MTCL2: variants seen among roughly 807,000 people sequenced by gnomAD.
MTCL2 encodes the protein microtubule cross-linking factor 2.
At chr20:36,815,831 G>A in the MTCL2 span, 1 of 1,597,962 alleles carries the variant, frequency 6.3e-7, no homozygotes, top group Non-Finnish European at 8.5e-7. This position sits in a 1 kb window ranked among gnomAD's most constrained non-coding sequence, Gnocchi z 5.3. Context: ...GCAGCAGCTT[G>A]TTCTGGTCCT....
At chr20:36,818,085 A>G in the MTCL2 span, among the ~76,000 whole-genome samples, 1 of 152,244 alleles carries the variant, frequency 6.6e-6, no homozygotes, top group Non-Finnish European at 1.5e-5. Flanking sequence ...TCCTAGCTCC[A>G]GAGCTCCCCA....
At chr20:36,816,428 C>A in the MTCL2 span, 8 of 847,436 alleles carry the variant, frequency 9.4e-6, no homozygotes, top group Non-Finnish European at 1.1e-5. Flanking sequence ...CACAGCCAGA[C>A]CCTCAAGGAG....
chr20:36,856,863 C>T, the MTCL2 span, among the ~76,000 whole-genome samples: 36 of 152,016 alleles, frequency 2.4e-4, no homozygotes, highest in African/African-American at 6.3e-4. Flanking sequence ...TGTGTGCGTG[C>T]GCGCACGTGT....
chr20:36,853,099 C>T, the MTCL2 span, among the ~76,000 whole-genome samples: 63 of 151,604 alleles, frequency 4.2e-4, 1 homozygote, highest in African/African-American at 1.4e-3. Flanking sequence ...AAGGCCAGGA[C>T]ACGCAGCCTG....
the MTCL2 span, among the ~76,000 whole-genome samples, chr20:36,813,813 T>C: frequency 6.6e-6 from 1 of 151,724 alleles, no homozygotes; most frequent in Non-Finnish European, 1.5e-5. Flanking sequence ...ATCGCTCTCT[T>C]TCCCTGGAAA....
chr20:36,860,236 C>T, the MTCL2 span, among the ~76,000 whole-genome samples: 1 of 152,176 alleles, frequency 6.6e-6, no homozygotes, highest in African/African-American at 2.4e-5. Flanking sequence ...TTACTCCAGA[C>T]CCTCACTCAG....
At chr20:36,777,813 G>A in the MTCL2 span, 32 of 619,230 alleles carry the variant, frequency 5.2e-5, no homozygotes, top group Admixed American at 8.6e-4. Flanking sequence ...CCAGGATGAG[G>A]AGGAAGGGCA....
chr20:36,835,368 C>A, the MTCL2 span, among the ~76,000 whole-genome samples: 1 of 151,764 alleles, frequency 6.6e-6, no homozygotes, highest in Non-Finnish European at 1.5e-5. Context: ...CCCACCAATA[C>A]CCCTCTGCTC....
At chr20:36,860,158 C>T in the MTCL2 span, among the ~76,000 whole-genome samples, 1 of 152,062 alleles carries the variant, frequency 6.6e-6, no homozygotes, top group Non-Finnish European at 1.5e-5. Flanking sequence ...ACACTCCTTC[C>T]CCTCTCTGGC....
chr20:36,836,245 G>A, the MTCL2 span, among the ~76,000 whole-genome samples: 12 of 151,760 alleles, frequency 7.9e-5, no homozygotes, highest in Non-Finnish European at 1.8e-4. Context: ...TGCAATCATA[G>A]CTCACTGAAA....
the MTCL2 span, among the ~76,000 whole-genome samples, chr20:36,786,895 G>C: frequency 6.6e-6 from 1 of 152,184 alleles, no homozygotes; most frequent in African/African-American, 2.4e-5. Flanking sequence ...ACGCCAAAGA[G>C]ATTCTTAACA....
the MTCL2 span, among the ~76,000 whole-genome samples, chr20:36,859,212 C>CA: frequency 1.2e-3 from 190 of 152,322 alleles, no homozygotes; most frequent in Middle Eastern, 3.4e-3. Flanking sequence ...CTCCAACTCT[C>CA]AGATTCCTCC....
At chr20:36,788,188 G>A in the MTCL2 span, among the ~76,000 whole-genome samples, 2 of 137,672 alleles carry the variant, frequency 1.5e-5, no homozygotes, top group African/African-American at 2.7e-5. Flanking sequence ...GGGACAGAGT[G>A]AGACTCCATC....
chr20:36,782,022 G>C, the MTCL2 span: 1 of 152,098 alleles, frequency 6.6e-6, no homozygotes, highest in South Asian at 2.1e-4. Context: ...ATTTTTAGTA[G>C]AGACAGGGTT....
chr20:36,838,865 G>A, the MTCL2 span, among the ~76,000 whole-genome samples: 2 of 152,132 alleles, frequency 1.3e-5, no homozygotes, highest in Non-Finnish European at 2.9e-5. Context: ...CTACTTGGGA[G>A]GCTGAGGCAA....
the MTCL2 span, among the ~76,000 whole-genome samples, chr20:36,838,845 G>A: frequency 6.6e-6 from 1 of 152,150 alleles, no homozygotes; most frequent in Non-Finnish European, 1.5e-5. Context: ...GCAGGTGCCT[G>A]TAATCCCAGC....
At chr20:36,840,452 GC>G in the MTCL2 span, among the ~76,000 whole-genome samples, 1 of 151,756 alleles carries the variant, frequency 6.6e-6, no homozygotes, top group Non-Finnish European at 1.5e-5. Flanking sequence ...ACAGGCATGA[GC>G]CACCGTGCCC....
the MTCL2 span, among the ~76,000 whole-genome samples, chr20:36,844,158 C>T: frequency 6.6e-6 from 1 of 152,192 alleles, no homozygotes; most frequent in South Asian, 2.1e-4. Flanking sequence ...ATTGCTTGAA[C>T]CCAGGAGGCG....
At chr20:36,804,438 G>T in the MTCL2 span, among the ~76,000 whole-genome samples, 1 of 152,172 alleles carries the variant, frequency 6.6e-6, no homozygotes, top group Non-Finnish European at 1.5e-5. Context: ...GTGCTTATGA[G>T]GAAATGAAGG....
Sources: allele counts gnomAD v4.1 joint callset (sites outside exome capture counted in the v4.1 genomes callset), GRCh38; gene constraint gnomAD v4.1.1; non-coding constraint Gnocchi (gnomAD v3.1); transcripts MANE v1.5; gene names NCBI Gene and HGNC (gene_info 2026-07-23, HGNC 2026-07-21).